The following NRG1 variants were observed in gnomAD, a reference collection of about 807,000 sequenced individuals.
NRG1 encodes the protein neuregulin 1.
Under a neutral mutation model 63.8 loss-of-function variants are expected in NRG1, and 18 were observed. That is an observed-to-expected ratio of 0.28 (90% CI 0.19 to 0.42). The LOEUF (loss-of-function observed/expected upper bound fraction) is 0.42. Among genes scored for constraint, NRG1 ranks in the 10% least tolerant of loss-of-function variants. NRG1 has a pLI of 1.00. For missense variants in NRG1, 762 were observed against 814.7 expected, an observed-to-expected ratio of 0.94 and a Z score of 0.79; for synonymous variants, 302 against 301.3, an observed-to-expected ratio of 1.00 and a Z score of -0.02.
chr8:32,085,898 A>T (rs113219023), intron 1 of NRG1, among the ~76,000 whole-genome samples: 12 of 152,338 alleles, frequency 7.9e-5, no homozygotes, highest in African/African-American at 2.9e-4. Context: ...TCACACAGAG[A>T]TAGACATGGC....
chr8:32,464,096 G>A (rs865986769), intron 1 of NRG1, among the ~76,000 whole-genome samples: 10 of 151,100 alleles, frequency 6.6e-5, no homozygotes, highest in South Asian at 2.1e-4. Context: ...GAGTTTCACC[G>A]TGTTGGCCAG....
intron 1 of NRG1, among the ~76,000 whole-genome samples, chr8:31,759,402 A>G (rs1338795379): frequency 4.6e-5 from 7 of 152,040 alleles, no homozygotes; most frequent in Non-Finnish European, 1.0e-4. Flanking sequence ...ATCCATCTCA[A>G]GTAAATCTTC....
rs199759377 is a variant in NRG1 at position 32,586,210 on chromosome 8, TA to T, written c.101-9617del. 1.2e-3 allele frequency among the ~76,000 whole-genome samples: 177 copies of T among 147,912 alleles called. 3 individuals carry two copies. The East Asian group carries it at 0.024, about 20-fold the overall frequency. ...ATGTGTATATGTATACATTACATTC[TA>T]CTATATATACTATATATAAATATAC... On this transcript the variant is annotated intron_variant, in intron 1 of 11. Transcript: ENST00000356819.
chr8:32,651,712 AG>A lies in NRG1; in HGVS notation c.502+34828del, dbSNP rs576902140. On this transcript the variant is annotated intron_variant, in intron 5 of 11. Coordinates refer to ENST00000356819, the Ensembl canonical transcript of NRG1. ...TGTTACCGCAGTGACAATAAGAATC[AG>A]TAACCATTTGCAAAAGATCAACATG... is the stretch of plus-strand genomic sequence containing the variant. 1.4e-3 allele frequency among the ~76,000 whole-genome samples: 217 copies of A among 152,292 alleles called. 2 individuals are homozygous for A. The highest frequency in any genetic ancestry group is 5.0e-3 in the African/African-American group (209 of 41,570).
intron 5 of NRG1, among the ~76,000 whole-genome samples, chr8:32,700,886 C>G (rs1192842053): frequency 6.6e-6 from 1 of 152,108 alleles, no homozygotes; most frequent in East Asian, 1.9e-4. Flanking sequence ...CCTTTAGACC[C>G]TTGTCACACT....
intron 1 of NRG1, among the ~76,000 whole-genome samples, chr8:31,848,491 G>A (rs1162657173): frequency 6.6e-6 from 1 of 151,942 alleles, no homozygotes; most frequent in African/African-American, 2.4e-5. Flanking sequence ...TTATACAAGG[G>A]TCCACAACCC....
chr8:31,978,571 G>T (rs369371066), intron 1 of NRG1, among the ~76,000 whole-genome samples: 2 of 152,040 alleles, frequency 1.3e-5, no homozygotes, highest in Non-Finnish European at 2.9e-5. Context: ...GTGTGAGTTG[G>T]TACTCTAAAA....
intron 1 of NRG1, among the ~76,000 whole-genome samples, chr8:32,592,431 C>G (rs1842688579): frequency 6.6e-6 from 1 of 152,100 alleles, no homozygotes; most frequent in Non-Finnish European, 1.5e-5. Context: ...CTCCTTTAAT[C>G]TAGATCACAT....
intron 1 of NRG1, among the ~76,000 whole-genome samples, chr8:31,808,387 CTT>C (rs35503076): frequency 6.6e-6 from 1 of 152,016 alleles, no homozygotes; most frequent in Non-Finnish European, 1.5e-5. Context: ...GAGTGAGTAA[CTT>C]TTAAGATAAA....
intron 7 of NRG1, among the ~76,000 whole-genome samples, chr8:32,748,495 T>C (rs1429569090): frequency 6.6e-6 from 1 of 152,180 alleles, no homozygotes; most frequent in East Asian, 1.9e-4. Flanking sequence ...TTATTTTTTT[T>C]ATTTTTTTGG....
chr8:32,166,422 T>C (rs1195829052), intron 1 of NRG1, among the ~76,000 whole-genome samples: 2 of 152,214 alleles, frequency 1.3e-5, no homozygotes, highest in Non-Finnish European at 2.9e-5. Flanking sequence ...TCCTTGTTTT[T>C]GTAATATTAT....
At chr8:32,086,768 G>A (rs1828281199) in intron 1 of NRG1, among the ~76,000 whole-genome samples, 1 of 152,140 alleles carries the variant, frequency 6.6e-6, no homozygotes, top group South Asian at 2.1e-4. Flanking sequence ...ATTTCACTTA[G>A]TCAAACTAAC....
intron 1 of NRG1, among the ~76,000 whole-genome samples, chr8:32,472,447 G>T (rs1462370575): frequency 5.3e-5 from 8 of 152,242 alleles, no homozygotes; most frequent in Non-Finnish European, 1.0e-4. Flanking sequence ...TGGGATTACA[G>T]GTGTGAGCCA....
intron 1 of NRG1, among the ~76,000 whole-genome samples, chr8:32,253,864 A>C (rs1849388777): frequency 6.6e-6 from 1 of 152,134 alleles, no homozygotes; most frequent in Admixed American, 6.5e-5. Context: ...CCTCAATTTC[A>C]GAACTTGTTA....
Position 32,271,536 on chromosome 8 carries a change from T to C in NRG1, c.38-324292T>C, listed in dbSNP as rs115694487. Among the ~76,000 whole-genome samples the C allele has an allele frequency of 7.8e-3, 1,183 of 152,262 alleles. 15 individuals are homozygous for C. Among genetic ancestry groups the C allele is most frequent in the African/African-American group, 0.021 (881 of 41,548 alleles). ...TTTTTCAAGTGAGTTGCTAAGTTCA[T>C]TGTGAGTCATGCATTCCTTTGTTCA... On this transcript the variant is annotated intron_variant, in intron 1 of 10. Transcript: ENST00000519301.
chr8:31,964,730 G>A (rs183619901), intron 1 of NRG1, among the ~76,000 whole-genome samples: 1 of 152,290 alleles, frequency 6.6e-6, no homozygotes, highest in Non-Finnish European at 1.5e-5. Flanking sequence ...TTTTGGGCCA[G>A]CCTAATAATA....
chr8:32,026,382 T>C (rs1276704530), intron 1 of NRG1: 1 of 152,220 alleles, frequency 6.6e-6, no homozygotes, highest in Non-Finnish European at 1.5e-5. Context: ...AGTTTTTTGC[T>C]TATTTTTTCC....
intron 1 of NRG1, among the ~76,000 whole-genome samples, chr8:31,868,102 A>C (rs557219847): frequency 3.9e-4 from 59 of 150,590 alleles, no homozygotes; most frequent in African/African-American, 1.3e-3. Context: ...GATCCTGAGC[A>C]GTTATACTCT....
rs1267947633 is a variant in NRG1 at position 31,884,194 on chromosome 8, A to C, written c.37+244763A>C. Among the ~76,000 whole-genome samples, 15 of 152,072 alleles carry C rather than the reference A, an allele frequency of 9.9e-5. 1 individual carries two copies. Among genetic ancestry groups the C allele is most frequent in the Admixed American group, 9.8e-4 (15 of 15,244 alleles). On this transcript the variant is annotated intron_variant, in intron 1 of 10. Transcript: ENST00000519301. ...TTTTGGCAAATTTCAAGGGAATCCT[A>C]TTTGGCATTAGAAATTATTTATTTT... is the stretch of plus-strand genomic sequence containing the variant.
Sources: gnomAD v4.1 joint callset for allele counts (sites outside exome capture counted in the v4.1 genomes callset) on GRCh38, gnomAD v4.1.1 for gene constraint, MANE v1.5 for transcripts, NCBI Gene and HGNC (gene_info 2026-07-23, HGNC 2026-07-21) for gene names.